The following ZNF609 variants were observed in gnomAD, a reference collection of about 807,000 sequenced individuals.
ZNF609 encodes zinc finger protein 609.
A neutral mutation model predicts 109.5 loss-of-function variants in ZNF609; 11 were observed. The ratio of observed to expected loss-of-function variants is 0.10; its 90% CI spans 0.06 to 0.17. ZNF609 has a LOEUF of 0.17. Ranked by LOEUF, ZNF609 falls within the 10% of genes least tolerant of loss-of-function variation. The pLI, the probability that ZNF609 is intolerant of heterozygous loss-of-function variation, is 1.00. For missense variants in ZNF609, 1,559 were observed against 1,772.4 expected, an observed-to-expected ratio of 0.88 and a Z score of 2.16; for synonymous variants, 646 against 662.0, an observed-to-expected ratio of 0.98 and a Z score of 0.37.
At chr15:64,532,872 A>G (rs973639352) in intron 2 of ZNF609, among the ~76,000 whole-genome samples, 9 of 152,172 alleles carry the variant, frequency 5.9e-5, no homozygotes, top group Admixed American at 4.6e-4. Context: ...AGCATTCAGT[A>G]TGTTTAAATC....
At chr15:64,540,109 C>T (rs11071799) in intron 2 of ZNF609, among the ~76,000 whole-genome samples, 16,430 of 152,176 alleles carry the variant, frequency 0.11, 1,198 homozygotes, top group Middle Eastern at 0.16. Context: ...GATGTTAGCC[C>T]GTTGTGTATC....
At chr15:64,593,881 G>A (rs1014661093) in intron 2 of ZNF609, among the ~76,000 whole-genome samples, 2 of 152,214 alleles carry the variant, frequency 1.3e-5, no homozygotes, top group Non-Finnish European at 2.9e-5. Context: ...GAGTGGATAA[G>A]AAGGGTTGGT....
intron 2 of ZNF609, among the ~76,000 whole-genome samples, chr15:64,586,874 A>G (rs536711084): frequency 2.2e-4 from 34 of 152,264 alleles, no homozygotes; most frequent in South Asian, 1.5e-3. Context: ...TCTAGTTTTA[A>G]CCTTTCCCAT....
At chr15:64,590,650 C>T (rs1055937813) in intron 2 of ZNF609, among the ~76,000 whole-genome samples, 3 of 139,492 alleles carry the variant, frequency 2.2e-5, no homozygotes, top group Non-Finnish European at 4.7e-5. Context: ...TTTACATACA[C>T]ATAACACACA....
intron 2 of ZNF609, among the ~76,000 whole-genome samples, chr15:64,583,992 C>T (rs1164043706): frequency 6.6e-6 from 1 of 152,124 alleles, no homozygotes; most frequent in African/African-American, 2.4e-5. Context: ...ATCTGCTTTC[C>T]AGTTCCCAAA....
rs562014749 is a variant in ZNF609 at position 64,671,863 on chromosome 15, G to T, written c.1061+1430G>T. On this transcript the variant is annotated intron_variant, in intron 4 of 9. Coordinates refer to ENST00000326648, the MANE Select transcript of ZNF609 (RefSeq NM_015042.2). ...CCATTGTTCCCATGAAACAAAGATG[G>T]GCAGAAATGTCCCAAGGAAAGGTAT... Among the ~76,000 whole-genome samples the T allele has an allele frequency of 9.2e-5, 14 of 152,122 alleles. No homozygotes were observed. The South Asian group carries it at 2.7e-3, about 29-fold the overall frequency.
chr15:64,640,734 C>T (rs955026168), intron 3 of ZNF609, among the ~76,000 whole-genome samples: 1 of 152,118 alleles, frequency 6.6e-6, no homozygotes, highest in Non-Finnish European at 1.5e-5. Context: ...AGCTGTATAG[C>T]CAAAGGCATG....
intron 2 of ZNF609, among the ~76,000 whole-genome samples, chr15:64,591,222 G>A (rs2140938205): frequency 6.6e-6 from 1 of 152,256 alleles, no homozygotes; most frequent in Non-Finnish European, 1.5e-5. Flanking sequence ...GAGGTCAAGA[G>A]ATCGAGACCA....
rs1288160910 is a variant in ZNF609, at chr15:64,676,100, G to A, written c.3246G>A (p.Lys1082=). 2.5e-6 allele frequency: 4 copies of A among 1,614,106 alleles called. No homozygotes were observed. Among genetic ancestry groups the A allele is most frequent in the South Asian group, 1.1e-5 (1 of 91,096 alleles). The change falls in exon 5 of 10, where the codon AAG becomes AAA. Residue 1082 remains lysine (K), a synonymous_variant. Transcript: ENST00000326648. ...ADPAKSVIIP[K]LDDSSKLPGQ... ...CAGCCAAATCAGTCATCATTCCCAA[G>A]TTAGATGACTCTTCAAAACTCCCGG...
chr15:64,593,372 A>G, intron 2 of ZNF609: 1 of 916,312 alleles, frequency 1.1e-6, no homozygotes, highest in Non-Finnish European at 1.8e-6. Flanking sequence ...CTCTGGAGAA[A>G]AATAAAATGG....
chr15:64,522,184 AT>A (rs1893901103), intron 2 of ZNF609, among the ~76,000 whole-genome samples: 1 of 152,148 alleles, frequency 6.6e-6, no homozygotes, highest in Non-Finnish European at 1.5e-5. Flanking sequence ...CTTTGAGATT[AT>A]TTTCTACTAA....
intron 2 of ZNF609, among the ~76,000 whole-genome samples, chr15:64,575,213 T>C (rs915962095): frequency 2.0e-5 from 3 of 152,146 alleles, no homozygotes; most frequent in Non-Finnish European, 2.9e-5. Flanking sequence ...TTACCTGACA[T>C]CTGGAGTTCA....
chr15:64,558,160 C>A (rs1358787620), intron 2 of ZNF609, among the ~76,000 whole-genome samples: 1 of 152,144 alleles, frequency 6.6e-6, no homozygotes, highest in Non-Finnish European at 1.5e-5. Flanking sequence ...CCAAGAAGCT[C>A]ACCATACTTA....
chr15:64,551,815 C>T (rs868246403), intron 2 of ZNF609, among the ~76,000 whole-genome samples: 36 of 149,220 alleles, frequency 2.4e-4, no homozygotes, highest in African/African-American at 8.3e-4. Flanking sequence ...AACTACCAAA[C>T]GTCTCTACTA....
chr15:64,540,737 C>T (rs1261794620), intron 2 of ZNF609, among the ~76,000 whole-genome samples: 2 of 151,034 alleles, frequency 1.3e-5, no homozygotes, highest in African/African-American at 4.9e-5. Context: ...ATTAAAAAAA[C>T]CTTTGTGTCT....
At chr15:64,543,359 C>T (rs1894302991) in intron 2 of ZNF609, among the ~76,000 whole-genome samples, 1 of 142,298 alleles carries the variant, frequency 7.0e-6, no homozygotes, top group African/African-American at 2.6e-5. Context: ...TTCATACTTT[C>T]TGTTGTTTCA....
intron 3 of ZNF609, among the ~76,000 whole-genome samples, chr15:64,646,383 C>A (rs1182371875): frequency 6.6e-6 from 1 of 152,008 alleles, no homozygotes; most frequent in Non-Finnish European, 1.5e-5. Flanking sequence ...GTAATCCTAG[C>A]ACTTTGGGAG....
At chr15:64,583,097 G>T (rs1354878178) in intron 2 of ZNF609, among the ~76,000 whole-genome samples, 3 of 149,568 alleles carry the variant, frequency 2.0e-5, no homozygotes, top group African/African-American at 7.4e-5. Context: ...GCAGTGGTGC[G>T]ATCTCGACTC....
rs1261399215 is a variant in ZNF609, at chr15:64,539,499, G to A, written c.747+39333G>A. On this transcript the variant is annotated intron_variant, in intron 2 of 9. Transcript: ENST00000326648. Reference sequence around the variant, plus strand: ...TGGGATTACAGGCGTGAGCCACTGCGCCTGGCCAATTTTTTTATTTTTGAG... The same window carrying A: ...TGGGATTACAGGCGTGAGCCACTGCACCTGGCCAATTTTTTTATTTTTGAG... Among the ~76,000 whole-genome samples the A allele has an allele frequency of 4.1e-5, 6 of 145,260 alleles. No homozygotes were observed. In the South Asian group the frequency reaches 8.8e-4, roughly 21 times the overall value.
Sources: allele counts gnomAD v4.1 joint callset (sites outside exome capture counted in the v4.1 genomes callset), GRCh38; gene constraint gnomAD v4.1.1; transcripts MANE v1.5; gene names NCBI Gene and HGNC (gene_info 2026-07-23, HGNC 2026-07-21).